The following ARB2A variants were observed in gnomAD, a reference collection of about 807,000 sequenced individuals.
ARB2A encodes the protein cotranscriptional regulator ARB2A.
chr5:94,041,918 C>T, the ARB2A span, among the ~76,000 whole-genome samples: 1 of 149,722 alleles, frequency 6.7e-6, no homozygotes, highest in African/African-American at 2.4e-5. Context: ...AAATCCTGAA[C>T]TTACCAAGAT....
chr5:93,639,302 C>A, the ARB2A span, among the ~76,000 whole-genome samples: 1 of 152,164 alleles, frequency 6.6e-6, no homozygotes, highest in Non-Finnish European at 1.5e-5. Flanking sequence ...ACTATGATTT[C>A]TTCTCATCCT....
At chr5:93,622,001 G>C in the ARB2A span, among the ~76,000 whole-genome samples, 1 of 152,064 alleles carries the variant, frequency 6.6e-6, no homozygotes, top group Non-Finnish European at 1.5e-5. Context: ...CTGTGGTTTC[G>C]ATGTAATACT....
chr5:93,679,392 C>A, the ARB2A span, among the ~76,000 whole-genome samples: 4 of 151,952 alleles, frequency 2.6e-5, no homozygotes, highest in Admixed American at 2.6e-4. Flanking sequence ...GGTCTCATGG[C>A]ACTTCTTTAT....
the ARB2A span, chr5:94,074,587 T>C: frequency 4.6e-6 from 6 of 1,316,672 alleles, no homozygotes; most frequent in Admixed American, 2.1e-5. Flanking sequence ...CACCTAAATA[T>C]TCCTACACCT....
At chr5:93,926,870 G>A in the ARB2A span, among the ~76,000 whole-genome samples, 1 of 151,714 alleles carries the variant, frequency 6.6e-6, no homozygotes, top group African/African-American at 2.4e-5. Flanking sequence ...AAATGTAGGA[G>A]GTGACATATA....
At chr5:93,658,807 T>C in the ARB2A span, among the ~76,000 whole-genome samples, 1 of 152,074 alleles carries the variant, frequency 6.6e-6, no homozygotes, top group Admixed American at 6.6e-5. Context: ...AATGTAATTG[T>C]CATATCATAG....
At chr5:93,764,828 T>C in the ARB2A span, among the ~76,000 whole-genome samples, 2 of 152,060 alleles carry the variant, frequency 1.3e-5, no homozygotes, top group African/African-American at 4.8e-5. Flanking sequence ...CAGCAGCACA[T>C]CAAAAAGCTT....
At chr5:93,925,564 G>A in the ARB2A span, among the ~76,000 whole-genome samples, 2 of 152,158 alleles carry the variant, frequency 1.3e-5, no homozygotes, top group Admixed American at 6.5e-5. Flanking sequence ...AAAGTAGGAT[G>A]GCACAAGATT....
the ARB2A span, among the ~76,000 whole-genome samples, chr5:93,966,602 A>G: frequency 1.3e-5 from 2 of 152,084 alleles, no homozygotes; most frequent in Non-Finnish European, 2.9e-5. Context: ...TTGATCTCCA[A>G]ATCCTTACTG....
chr5:94,013,320 C>A, the ARB2A span, among the ~76,000 whole-genome samples: 1 of 151,556 alleles, frequency 6.6e-6, no homozygotes, highest in South Asian at 2.1e-4. Context: ...TGGGATTACA[C>A]GTGCCCGCCA....
the ARB2A span, among the ~76,000 whole-genome samples, chr5:93,977,244 A>C: frequency 6.6e-6 from 1 of 152,134 alleles, no homozygotes; most frequent in Non-Finnish European, 1.5e-5. Flanking sequence ...GAATTAGAAA[A>C]AGCTATTCTA....
chr5:93,840,628 A>G, the ARB2A span, among the ~76,000 whole-genome samples: 1 of 152,094 alleles, frequency 6.6e-6, no homozygotes. Flanking sequence ...CTCTACTTCT[A>G]TTCTTACTAC....
the ARB2A span, among the ~76,000 whole-genome samples, chr5:94,102,986 C>T: frequency 6.6e-6 from 1 of 152,082 alleles, no homozygotes; most frequent in African/African-American, 2.4e-5. Context: ...TTCACTACCA[C>T]CAGACCTGCC....
At chr5:93,881,514 G>A in the ARB2A span, 10 of 1,610,258 alleles carry the variant, frequency 6.2e-6, no homozygotes, top group Middle Eastern at 8.3e-4. Flanking sequence ...TGGGGGTTAC[G>A]ATACTTCTCA....
the ARB2A span, among the ~76,000 whole-genome samples, chr5:93,824,936 C>G: frequency 6.6e-6 from 1 of 152,216 alleles, no homozygotes; most frequent in African/African-American, 2.4e-5. Flanking sequence ...GGCATCCCCC[C>G]AAACTGTTGC....
At chr5:94,063,910 A>T in the ARB2A span, among the ~76,000 whole-genome samples, 1 of 152,182 alleles carries the variant, frequency 6.6e-6, no homozygotes, top group Non-Finnish European at 1.5e-5. Flanking sequence ...CACACCAGAT[A>T]CCCAGATATC....
chr5:93,692,112 A>T, the ARB2A span, among the ~76,000 whole-genome samples: 1 of 152,236 alleles, frequency 6.6e-6, no homozygotes, highest in African/African-American at 2.4e-5. Flanking sequence ...AAGAAACTGC[A>T]TTAACTAACG....
chr5:93,695,327 T>TAA, the ARB2A span, among the ~76,000 whole-genome samples: 10 of 151,920 alleles, frequency 6.6e-5, no homozygotes, highest in African/African-American at 2.2e-4. Context: ...TATAAAAACT[T>TAA]AAACAAATTT....
chr5:93,817,425 T>A, the ARB2A span, among the ~76,000 whole-genome samples: 1 of 152,126 alleles, frequency 6.6e-6, no homozygotes, highest in Non-Finnish European at 1.5e-5. Flanking sequence ...ATTTAATCAA[T>A]CCCAATACAA....
Sources: gnomAD v4.1 joint callset for allele counts (sites outside exome capture counted in the v4.1 genomes callset) on GRCh38, gnomAD v4.1.1 for gene constraint, MANE v1.5 for transcripts, NCBI Gene and HGNC (gene_info 2026-07-23, HGNC 2026-07-21) for gene names.